TCF4: variants seen among roughly 807,000 people sequenced by gnomAD.
TCF4 encodes the protein transcription factor 4, also known as SL3-3 enhancer factor 2.
In TCF4, 3 loss-of-function variants were observed where a neutral mutation model predicts 82.1. The observed-to-expected ratio is 0.04, with a 90% CI of 0.02 to 0.09. The LOEUF (loss-of-function observed/expected upper bound fraction) is 0.09, where lower values mean the gene tolerates loss of function less well. Among genes scored for constraint, TCF4 ranks in the 10% least tolerant of loss-of-function variants. TCF4 has a pLI of 1.00. For synonymous variants in TCF4, 276 were observed against 309.6 expected, an observed-to-expected ratio of 0.89 and a Z score of 1.14; for missense variants, 518 against 852.7, an observed-to-expected ratio of 0.61 and a Z score of 4.89.
At chr18:55,609,910 C>G (rs959165563) in intron 2 of TCF4, among the ~76,000 whole-genome samples, 1 of 135,972 alleles carries the variant, frequency 7.4e-6, no homozygotes, top group African/African-American at 2.5e-5. Flanking sequence ...CCACACTCAC[C>G]CCCTGTTTGT....
intron 3 of TCF4, among the ~76,000 whole-genome samples, chr18:55,507,664 T>A (rs1432007235): frequency 6.6e-6 from 1 of 152,142 alleles, no homozygotes; most frequent in Non-Finnish European, 1.5e-5. Context: ...GACAAAGAAA[T>A]GAACACCTTT....
At chr18:55,398,213 G>T (rs1014285928) in intron 6 of TCF4, among the ~76,000 whole-genome samples, 5 of 152,094 alleles carry the variant, frequency 3.3e-5, no homozygotes, top group African/African-American at 1.2e-4. Flanking sequence ...TGAAAGAAGG[G>T]TATATACCCA....
chr18:55,515,290 T>A (rs1041596160), intron 3 of TCF4, among the ~76,000 whole-genome samples: 3 of 152,196 alleles, frequency 2.0e-5, no homozygotes, highest in African/African-American at 7.2e-5. Context: ...AAGTTAAGTA[T>A]GGTCACACTC....
In TCF4 at chr18:55,301,688, TA is replaced by T. The variant is rs765948102; in HGVS notation, c.550-22033del. ...GGAGCACAGAACCGTGTAAACACTT[TA>T]AATTATAAAAGGGCCAAGTAAACAC... On this transcript the variant is annotated intron_variant, in intron 8 of 19. Coordinates refer to ENST00000354452, the MANE Select transcript of TCF4 (RefSeq NM_001083962.2). Among the ~76,000 whole-genome samples, 20 of 148,800 alleles carry T rather than the reference TA, an allele frequency of 1.3e-4. No individual in the cohort carries two copies. In the South Asian group the frequency reaches 2.5e-3, roughly 19 times the overall value.
At chr18:55,308,245 G>C (rs148620216) in intron 8 of TCF4, among the ~76,000 whole-genome samples, 6 of 152,246 alleles carry the variant, frequency 3.9e-5, no homozygotes, top group Admixed American at 3.9e-4. Context: ...AAAATATTTG[G>C]ATTATGTGAG....
At position 55,577,225 on chromosome 18, in the gene TCF4, C is replaced by T. The variant is rs576578817; in HGVS notation, c.145+8055G>A. Among the ~76,000 whole-genome samples the T allele has an allele frequency of 4.5e-4, 59 of 130,264 alleles. 1 individual carries two copies. Among genetic ancestry groups the T allele is most frequent in the South Asian group, 1.2e-3 (5 of 4,150 alleles). 85.5% of individuals were successfully genotyped at this position (130,264 alleles called of 152,430 possible). ...ATATATTTATATAAATGTATATATACGTTTATATATTTATATATGTATATA... is the reference window on the plus strand; with the variant it reads ...ATATATTTATATAAATGTATATATATGTTTATATATTTATATATGTATATA... On this transcript the variant is annotated intron_variant, in intron 3 of 19. Transcript: ENST00000354452.
At chr18:55,550,453 T>G (rs1182827463) in intron 3 of TCF4, 1 of 152,150 alleles carries the variant, frequency 6.6e-6, no homozygotes, top group East Asian at 1.9e-4. Flanking sequence ...TGTTGCTGAT[T>G]GGGATCACAT....
chr18:55,344,748 G>A (rs1400871852), intron 8 of TCF4, among the ~76,000 whole-genome samples: 1 of 152,106 alleles, frequency 6.6e-6, no homozygotes, highest in African/African-American at 2.4e-5. Context: ...AGAGATCACT[G>A]AGTAGAAAAA....
intron 5 of TCF4, among the ~76,000 whole-genome samples, chr18:55,441,148 G>A (rs1468676582): frequency 6.6e-6 from 1 of 152,148 alleles, no homozygotes; most frequent in Admixed American, 6.5e-5. Context: ...AATCCATTAG[G>A]TCCCAACTCA....
chr18:55,529,993 C>A (rs569218167), intron 3 of TCF4, among the ~76,000 whole-genome samples: 1 of 152,074 alleles, frequency 6.6e-6, no homozygotes, highest in African/African-American at 2.4e-5. Flanking sequence ...TGAGATAATA[C>A]GTTAATTTCT....
intron 11 of TCF4, chr18:55,266,045 T>TCA (rs968746203): frequency 9.9e-5 from 15 of 152,188 alleles, no homozygotes; most frequent in African/African-American, 3.6e-4. Flanking sequence ...CCACAAAGGG[T>TCA]CACACCCTGT....
At chr18:55,353,190 C>G (rs1385681282) in intron 6 of TCF4, among the ~76,000 whole-genome samples, 3 of 152,172 alleles carry the variant, frequency 2.0e-5, no homozygotes, top group Non-Finnish European at 4.4e-5. Flanking sequence ...AAAACACACA[C>G]TTGCTATACT....
intron 4 of TCF4, among the ~76,000 whole-genome samples, chr18:55,463,742 T>C (rs1160785684): frequency 6.6e-6 from 1 of 152,154 alleles, no homozygotes; most frequent in African/African-American, 2.4e-5. Context: ...CATTATGTAA[T>C]ATGGATCAAT....
rs533225824 is a variant in TCF4 at position 55,406,932 on chromosome 18, GC to G, written c.305-3415del. On this transcript the variant is annotated intron_variant, in intron 5 of 19. Coordinates refer to ENST00000354452, the MANE Select transcript of TCF4 (RefSeq NM_001083962.2). The stretch of plus-strand genomic sequence containing the variant: ...ACAAAGACAATGGTGGCAGTGCCAA[GC>G]CCCATGGCTAAAACTACTCAAAAGA... 4.4e-4 allele frequency among the ~76,000 whole-genome samples: 67 copies of G among 152,308 alleles called. 1 individual carries two copies. In the South Asian group the frequency reaches 0.014, roughly 31 times the overall value.
intron 3 of TCF4, among the ~76,000 whole-genome samples, chr18:55,556,532 T>C (rs2097306089): frequency 6.6e-6 from 1 of 152,196 alleles, no homozygotes; most frequent in Admixed American, 6.5e-5. Context: ...TCTTTCTTTT[T>C]AAAATAGAGA....
intron 5 of TCF4, among the ~76,000 whole-genome samples, chr18:55,428,764 A>T (rs2095081553): frequency 6.6e-6 from 1 of 152,216 alleles, no homozygotes; most frequent in Non-Finnish European, 1.5e-5. Context: ...ACATAGCTCA[A>T]AATTAAGAGG....
intron 3 of TCF4, among the ~76,000 whole-genome samples, chr18:55,529,488 G>T (rs1010065974): frequency 1.3e-5 from 2 of 152,158 alleles, no homozygotes; most frequent in Non-Finnish European, 2.9e-5. Flanking sequence ...AACGAATGGG[G>T]TCTTAACCAC....
intron 2 of TCF4, among the ~76,000 whole-genome samples, chr18:55,624,974 T>G (rs995953437): frequency 6.6e-6 from 1 of 152,168 alleles, no homozygotes; most frequent in Non-Finnish European, 1.5e-5. Flanking sequence ...CCTATAAAAA[T>G]AGCCGACTTT....
At position 55,350,292 on chromosome 18, in the gene TCF4, C is replaced by T. The variant is rs1302297186; in HGVS notation, c.549+67G>A. On this transcript the variant is annotated intron_variant, in intron 8 of 19. Transcript: ENST00000354452. ...CGCATGGAAACTCATTTACTTCTAT[C>T]TCCTTCCCATCAATACAAAACAGAA... The T allele has an allele frequency of 2.6e-6, 4 of 1,517,316 alleles. No homozygotes were observed. The African/African-American group carries it at 5.5e-5, about 21-fold the overall frequency. 94.0% of individuals were successfully genotyped at this position (1,517,316 alleles called of 1,614,324 possible). A position where few individuals can be genotyped will look rare whatever the true frequency, so the allele number is the denominator to read the frequency against.
Sources: allele counts gnomAD v4.1 joint callset (sites outside exome capture counted in the v4.1 genomes callset), GRCh38; gene constraint gnomAD v4.1.1; transcripts MANE v1.5; gene names NCBI Gene and HGNC (gene_info 2026-07-23, HGNC 2026-07-21).